ANAPC10: variants seen among roughly 807,000 people sequenced by gnomAD.
ANAPC10 encodes the protein anaphase promoting complex subunit 10.
Under a neutral mutation model 22.0 loss-of-function variants are expected in ANAPC10, and 12 were observed. The observed-to-expected ratio is 0.55, with a 90% confidence interval of 0.35 to 0.88. ANAPC10 has a LOEUF of 0.88. Ranked by LOEUF, ANAPC10 falls within the 40% of genes least tolerant of loss-of-function variation. ANAPC10 has a pLI of 0.01. For synonymous variants in ANAPC10, 65 were observed against 69.5 expected (o/e 0.94, Z 0.32); for missense variants, 188 against 220.9 (o/e 0.85, Z 0.94).
chr4:145,000,566 G>A (rs1360910915), intron 4 of ANAPC10, among the ~76,000 whole-genome samples: 1 of 152,230 alleles, frequency 6.6e-6, no homozygotes, highest in Non-Finnish European at 1.5e-5. Flanking sequence ...TGGAGAGGAT[G>A]TGGAGAAATA....
chr4:145,045,774 C>T (rs939242841), intron 4 of ANAPC10, among the ~76,000 whole-genome samples: 1 of 152,034 alleles, frequency 6.6e-6, no homozygotes. Context: ...GGCTAAAGTA[C>T]TGTCTGTCCA....
rs1734042756 is a variant in ANAPC10, at chr4:145,010,009, G to A, written c.328-14406C>T. ...CAAACAAACCCATCAAAAAGTGGGT[G>A]AAGGATATGAACAGACACTTCTCAA... On this transcript the variant is annotated intron_variant, in intron 4 of 4. Coordinates refer to ENST00000507656, the MANE Select transcript of ANAPC10 (RefSeq NM_001256706.2). 3.9e-5 allele frequency among the ~76,000 whole-genome samples: 6 copies of A among 152,222 alleles called. No homozygotes were observed. The South Asian group carries it at 1.2e-3, about 32-fold the overall frequency.
chr4:145,049,655 C>T (rs997420130), intron 4 of ANAPC10, among the ~76,000 whole-genome samples: 3 of 152,118 alleles, frequency 2.0e-5, no homozygotes, highest in Non-Finnish European at 4.4e-5. Flanking sequence ...TCATGGCTCA[C>T]TGGAACCGCC....
chr4:145,016,080 C>T lies in ANAPC10; in HGVS notation c.328-20477G>A, dbSNP rs569077581. Among the ~76,000 whole-genome samples the T allele has an allele frequency of 6.0e-4, 92 of 152,316 alleles. 1 individual carries two copies. The highest frequency in any genetic ancestry group is 2.2e-3 in the African/African-American group (91 of 41,554). On this transcript the variant is annotated intron_variant, in intron 4 of 4. Transcript: ENST00000507656. ...GGCACGAGACAGGGATGCCCTCTCTCACCACTCCTATTCAACATAGTGTTG... is the reference window on the plus strand; with the variant it reads ...GGCACGAGACAGGGATGCCCTCTCTTACCACTCCTATTCAACATAGTGTTG...
intron 4 of ANAPC10, among the ~76,000 whole-genome samples, chr4:145,017,576 T>A (rs1483988653): frequency 6.6e-6 from 1 of 152,152 alleles, no homozygotes; most frequent in Non-Finnish European, 1.5e-5. Flanking sequence ...TCCTCAGGGA[T>A]CTAGAACTAG....
intron 4 of ANAPC10, among the ~76,000 whole-genome samples, chr4:144,998,172 T>C (rs956941763): frequency 3.3e-5 from 5 of 152,096 alleles, no homozygotes; most frequent in Middle Eastern, 3.2e-3. Flanking sequence ...GACAGATCAA[T>C]GAGACAGAAA....
At chr4:145,042,996 A>T in intron 4 of ANAPC10, among the ~76,000 whole-genome samples, 1 of 152,212 alleles carries the variant, frequency 6.6e-6, no homozygotes, top group South Asian at 2.1e-4. Context: ...AATAGCGAAG[A>T]AGCACAAAAG....
At chr4:145,079,366 CAA>C (rs758819094) in intron 3 of ANAPC10, among the ~76,000 whole-genome samples, 2 of 148,528 alleles carry the variant, frequency 1.3e-5, no homozygotes, top group Admixed American at 1.3e-4. Flanking sequence ...ACTAAAAAGT[CAA>C]AAAAAAATAA....
At chr4:145,045,264 T>C (rs1740131609) in intron 4 of ANAPC10, among the ~76,000 whole-genome samples, 1 of 152,092 alleles carries the variant, frequency 6.6e-6, no homozygotes, top group African/African-American at 2.4e-5. Context: ...TCCTACTTAA[T>C]TCTTTCTGGA....
chr4:145,036,307 A>G (rs1161021060), intron 4 of ANAPC10, among the ~76,000 whole-genome samples: 1 of 152,226 alleles, frequency 6.6e-6, no homozygotes, highest in East Asian at 1.9e-4. Context: ...TCACAGCTTT[A>G]AATATAGATA....
intron 1 of ANAPC10, among the ~76,000 whole-genome samples, chr4:145,096,699 A>G (rs1050728939): frequency 2.0e-4 from 30 of 152,218 alleles, no homozygotes; most frequent in African/African-American, 7.0e-4. Context: ...ATAAATATTG[A>G]TCCTCATTTT....
At chr4:145,013,044 T>G (rs2126935249) in intron 4 of ANAPC10, among the ~76,000 whole-genome samples, 1 of 152,242 alleles carries the variant, frequency 6.6e-6, no homozygotes, top group East Asian at 1.9e-4. Context: ...CTGCTTCCCT[T>G]TTGTCTTCTG....
intron 4 of ANAPC10, among the ~76,000 whole-genome samples, chr4:145,039,252 T>G (rs933676103): frequency 6.6e-6 from 1 of 152,258 alleles, no homozygotes; most frequent in African/African-American, 2.4e-5. Flanking sequence ...AAACTAGAAT[T>G]CCACAGCTAA....
chr4:145,016,681 G>C (rs934210117), intron 4 of ANAPC10, among the ~76,000 whole-genome samples: 4 of 152,292 alleles, frequency 2.6e-5, no homozygotes, highest in African/African-American at 9.6e-5. Flanking sequence ...TAAGCAAAAA[G>C]AACAAAGCTG....
chr4:145,085,508 C>T (rs984436569), intron 2 of ANAPC10, among the ~76,000 whole-genome samples: 8 of 150,414 alleles, frequency 5.3e-5, no homozygotes, highest in Admixed American at 1.3e-4. Flanking sequence ...TATGTATGTG[C>T]TCAAAGAGGT....
chr4:145,053,929 A>T, intron 4 of ANAPC10: 1 of 416,572 alleles, frequency 2.4e-6, no homozygotes. Context: ...TTTTTTTTTT[A>T]GATGAAGTCT....
At chr4:145,083,238 A>G (rs904930826) in intron 2 of ANAPC10, among the ~76,000 whole-genome samples, 3 of 152,162 alleles carry the variant, frequency 2.0e-5, no homozygotes, top group Non-Finnish European at 2.9e-5. Context: ...AAATAATCTA[A>G]TATTTATTAG....
intron 4 of ANAPC10, among the ~76,000 whole-genome samples, chr4:145,049,704 C>T (rs991725499): frequency 2.6e-5 from 4 of 152,102 alleles, no homozygotes; most frequent in African/African-American, 7.2e-5. Flanking sequence ...CTCAGCCTCC[C>T]AAGTAGATGG....
intron 4 of ANAPC10, among the ~76,000 whole-genome samples, chr4:145,030,151 G>A (rs957468104): frequency 2.0e-5 from 3 of 152,176 alleles, no homozygotes; most frequent in African/African-American, 7.2e-5. Flanking sequence ...AAGTGAAATT[G>A]ATAGGAAGCC....
Sources: allele counts gnomAD v4.1 joint callset (sites outside exome capture counted in the v4.1 genomes callset), GRCh38; gene constraint gnomAD v4.1.1; transcripts MANE v1.5; gene names NCBI Gene and HGNC (gene_info 2026-07-23, HGNC 2026-07-21).